The following FGF14 variants were observed in gnomAD, a reference collection of about 807,000 sequenced individuals.
FGF14 encodes the protein fibroblast growth factor homologous factor 4.
In FGF14, 5 loss-of-function variants were observed where a neutral mutation model predicts 25.5. The observed-to-expected ratio is 0.20, with a 90% confidence interval of 0.10 to 0.41. The LOEUF (loss-of-function observed/expected upper bound fraction) is 0.41, where lower values mean the gene tolerates loss of function less well. Ranked by LOEUF, FGF14 falls within the 10% of genes least tolerant of loss-of-function variation. The probability of loss-of-function intolerance (pLI) is 1.00; values close to 1 mark genes in which losing one functional copy is unlikely to be tolerated. For missense variants in FGF14, 222 were observed against 320.1 expected, an observed-to-expected ratio of 0.69 and a Z score of 2.34; for synonymous variants, 138 against 118.3, an observed-to-expected ratio of 1.17 and a Z score of -1.08.
chr13:102,085,540 T>C (rs1438654471), intron 1 of FGF14, among the ~76,000 whole-genome samples: 1 of 152,180 alleles, frequency 6.6e-6, no homozygotes, highest in Non-Finnish European at 1.5e-5. Context: ...GAATAAACAG[T>C]GAGTAAGGCA....
intron 1 of FGF14, among the ~76,000 whole-genome samples, chr13:101,914,874 A>G (rs1470054864): frequency 1.3e-5 from 2 of 152,222 alleles, no homozygotes; most frequent in Admixed American, 6.5e-5. Flanking sequence ...GTTTGATGAC[A>G]TAAGAGGATA....
chr13:102,374,649 TATA>T (rs2057988069), intron 1 of FGF14, among the ~76,000 whole-genome samples: 2 of 3,286 alleles, frequency 6.1e-4, no homozygotes, highest in Non-Finnish European at 1.2e-3. Context: ...ATATTTTATA[TATA>T]TATATATATA....
rs368066487 is a variant in FGF14, at chr13:101,928,874, A to AT, written c.209-53579dup. ...TCTCTTTTCTTGTTAAGCACAGTCCATTTTTTTTTTCTATGCAGCTATACA... is the reference window on the plus strand; with the variant it reads ...TCTCTTTTCTTGTTAAGCACAGTCCATTTTTTTTTTTCTATGCAGCTATACA... On this transcript the variant is annotated intron_variant, in intron 1 of 4. Transcript: ENST00000376131. Among the ~76,000 whole-genome samples the AT allele has an allele frequency of 5.7e-3, 857 of 149,448 alleles. 4 individuals are homozygous for AT. Among genetic ancestry groups the AT allele is most frequent in the South Asian group, 0.011 (52 of 4,698 alleles).
intron 1 of FGF14, among the ~76,000 whole-genome samples, chr13:102,204,533 C>CTTTTATTTTATTTTA (rs554070734): frequency 6.6e-6 from 1 of 151,914 alleles, no homozygotes; most frequent in Admixed American, 6.6e-5. Flanking sequence ...GGGCAAGCAT[C>CTTTTATTTTATTTTA]TTTTATTTTA....
At chr13:102,161,088 A>G (rs571793894) in intron 1 of FGF14, among the ~76,000 whole-genome samples, 1 of 152,298 alleles carries the variant, frequency 6.6e-6, no homozygotes, top group South Asian at 2.1e-4. Flanking sequence ...AGAAAGAAAC[A>G]ATGGAGGAAG....
chr13:101,797,735 A>ATGTGTGTGTGTGTGTG (rs1555384521), intron 3 of FGF14, among the ~76,000 whole-genome samples: 56 of 34,070 alleles, frequency 1.6e-3, no homozygotes, highest in African/African-American at 2.9e-3. Context: ...TCATGAATTG[A>ATGTGTGTGTGTGTGTG]TGTGTGTGTG....
At chr13:102,203,716 A>C (rs192337406) in intron 1 of FGF14, among the ~76,000 whole-genome samples, 1 of 152,328 alleles carries the variant, frequency 6.6e-6, no homozygotes, top group East Asian at 1.9e-4. Flanking sequence ...AGTGTACTTC[A>C]TGAAGTCTAA....
chr13:101,803,069 G>A (rs1315756998), intron 3 of FGF14, among the ~76,000 whole-genome samples: 1 of 152,020 alleles, frequency 6.6e-6, no homozygotes. Flanking sequence ...TGGACAAAGG[G>A]GGTCAGCTGG....
chr13:102,228,390 T>C (rs1256964706), intron 1 of FGF14, among the ~76,000 whole-genome samples: 1 of 152,192 alleles, frequency 6.6e-6, no homozygotes, highest in East Asian at 1.9e-4. Context: ...TCTCTAACAC[T>C]GAAGGTGCCC....
intron 1 of FGF14, among the ~76,000 whole-genome samples, chr13:102,039,363 C>T (rs2041624121): frequency 6.6e-6 from 1 of 152,074 alleles, no homozygotes; most frequent in South Asian, 2.1e-4. Context: ...CCTGGGGCTC[C>T]TGTAAGGAAG....
chr13:102,402,060 A>C, upstream of FGF14: 1 of 188,870 alleles, frequency 5.3e-6, no homozygotes, highest in Non-Finnish European at 1.1e-5. Context: ...AAAAAAAAAA[A>C]AGAGGAAAGA....
intron 1 of FGF14, among the ~76,000 whole-genome samples, chr13:101,910,971 G>A (rs2032872870): frequency 6.7e-6 from 1 of 149,064 alleles, no homozygotes; most frequent in African/African-American, 2.5e-5. Context: ...GTCCTCTTTG[G>A]CTAAAGTTTC....
intron 3 of FGF14, among the ~76,000 whole-genome samples, chr13:101,790,123 T>C (rs2040148011): frequency 3.2e-5 from 1 of 31,168 alleles, no homozygotes; most frequent in African/African-American, 4.3e-5. Context: ...AATTCTAGTA[T>C]TTTGGTTTTT....
chr13:102,016,840 T>C (rs2139836113), intron 1 of FGF14: 1 of 152,644 alleles, frequency 6.6e-6, no homozygotes, highest in South Asian at 2.1e-4. Context: ...GCTTCTCTGT[T>C]ACTGCCCCCT....
intron 1 of FGF14, among the ~76,000 whole-genome samples, chr13:102,050,505 T>C (rs970720814): frequency 7.2e-5 from 11 of 152,162 alleles, no homozygotes; most frequent in African/African-American, 2.7e-4. Flanking sequence ...TGCCCATATA[T>C]TTCTTAGGAA....
exon 1 of FGF14, chr13:102,401,612 G>C (rs576564677): frequency 6.2e-7 from 1 of 1,614,122 alleles, no homozygotes; most frequent in Non-Finnish European, 8.5e-7. Context: ...AGAAAGAAGA[G>C]ATCCTTGTGG....
chr13:101,776,701 A>T (rs969251299), intron 3 of FGF14, among the ~76,000 whole-genome samples: 1 of 152,080 alleles, frequency 6.6e-6, no homozygotes, highest in Non-Finnish European at 1.5e-5. Context: ...TTCTATAGCT[A>T]CTCTTCTGTG....
intron 1 of FGF14, among the ~76,000 whole-genome samples, chr13:101,944,578 A>G (rs185130076): frequency 2.3e-3 from 348 of 152,302 alleles, no homozygotes; most frequent in Middle Eastern, 6.8e-3. Flanking sequence ...AAAGCTCACT[A>G]TTTATACCCA....
At chr13:101,776,301 C>T (rs1406737558) in intron 3 of FGF14, among the ~76,000 whole-genome samples, 2 of 152,096 alleles carry the variant, frequency 1.3e-5, no homozygotes, top group South Asian at 2.1e-4. Flanking sequence ...GTAGATGTTC[C>T]GTGAAACGCC....
Sources: allele counts gnomAD v4.1 joint callset (sites outside exome capture counted in the v4.1 genomes callset), GRCh38; gene constraint gnomAD v4.1.1; transcripts MANE v1.5; gene names NCBI Gene and HGNC (gene_info 2026-07-23, HGNC 2026-07-21).